The following ADAMTS12 variants were observed in gnomAD, a reference collection of about 807,000 sequenced individuals.
The protein encoded by ADAMTS12 is ADAM metallopeptidase with thrombospondin type 1 motif 12, also known as A disintegrin and metalloproteinase with thrombospondin motifs 12.
ADAMTS12 carries 118 observed loss-of-function variants against 167.8 expected under a neutral mutation model. The observed-to-expected ratio is 0.70, with a 90% CI of 0.61 to 0.82. ADAMTS12 has a LOEUF of 0.82. Among genes scored for constraint, ADAMTS12 ranks in the 40% least tolerant of loss-of-function variants. The probability of loss-of-function intolerance (pLI) is 0.00; values close to 1 mark genes in which losing one functional copy is unlikely to be tolerated. For missense variants in ADAMTS12, 1,916 were observed against 1,998.8 expected (o/e 0.96, Z 0.79); for synonymous variants, 704 against 716.9 (o/e 0.98, Z 0.29).
Position 33,891,989 on chromosome 5 carries a change from C to G in ADAMTS12, c.-133G>C. The G allele has an allele frequency of 8.8e-7, 1 of 1,137,374 alleles. No individual in the cohort carries two copies. The highest frequency in any genetic ancestry group is 1.2e-6 in the Non-Finnish European group (1 of 807,874). 70.5% of individuals were successfully genotyped at this position (1,137,374 alleles called of 1,614,324 possible). On this transcript the variant is annotated 5_prime_UTR_variant, in exon 1 of 24. Transcript: ENST00000504830. ...GCGCGAGAAGGCAGCGACTGCAAAG[C>G]TGCCCGCGATCTCCCTGTGCTTTTT...
chr5:33,543,931 A>G (rs1449875020), intron 22 of ADAMTS12, among the ~76,000 whole-genome samples: 1 of 152,206 alleles, frequency 6.6e-6, no homozygotes, highest in Non-Finnish European at 1.5e-5. Flanking sequence ...AACTGGAAGC[A>G]TTCCCTTTGA....
chr5:33,687,357 T>C (rs1742372117), intron 3 of ADAMTS12, among the ~76,000 whole-genome samples: 1 of 152,242 alleles, frequency 6.6e-6, no homozygotes, highest in South Asian at 2.1e-4. Flanking sequence ...CACCATCTTA[T>C]AGATGAAGGA....
chr5:33,769,354 A>G (rs546572348), intron 2 of ADAMTS12, among the ~76,000 whole-genome samples: 1 of 152,304 alleles, frequency 6.6e-6, no homozygotes, highest in South Asian at 2.1e-4. Flanking sequence ...ATCAAGTACA[A>G]ATGGAGGGAC....
At chr5:33,555,550 C>A (rs1319866161) in intron 20 of ADAMTS12, among the ~76,000 whole-genome samples, 2 of 152,090 alleles carry the variant, frequency 1.3e-5, no homozygotes, top group African/African-American at 4.8e-5. Flanking sequence ...TGCCCAGCCT[C>A]CCCCATACAA....
chr5:33,767,887 G>A (rs1266243690), intron 2 of ADAMTS12, among the ~76,000 whole-genome samples: 1 of 152,136 alleles, frequency 6.6e-6, no homozygotes, highest in Non-Finnish European at 1.5e-5. Context: ...GGAAAATAAA[G>A]GGAAGAAATG....
intron 2 of ADAMTS12, among the ~76,000 whole-genome samples, chr5:33,793,806 C>G (rs1746667400): frequency 6.6e-6 from 1 of 152,080 alleles, no homozygotes; most frequent in Non-Finnish European, 1.5e-5. Context: ...AGGCGAAGGG[C>G]GAGATGGGCT....
At chr5:33,829,100 G>A (rs928596998) in intron 2 of ADAMTS12, among the ~76,000 whole-genome samples, 4 of 152,072 alleles carry the variant, frequency 2.6e-5, no homozygotes, top group Admixed American at 6.6e-5. Context: ...CTTTCATCAC[G>A]TAATTGATAC....
intron 2 of ADAMTS12, among the ~76,000 whole-genome samples, chr5:33,766,717 T>C (rs561337639): frequency 5.3e-4 from 80 of 152,282 alleles, no homozygotes; most frequent in African/African-American, 1.9e-3. Flanking sequence ...CTTTTTTAAT[T>C]AGTATTAAAA....
Position 33,881,378 on chromosome 5 carries a change from C to A in ADAMTS12, c.230G>T (p.Ser77Ile), listed in dbSNP as rs1275046910. 6.2e-7 allele frequency: 1 copy of A among 1,614,214 alleles called. No individual in the cohort carries two copies. The highest frequency in any genetic ancestry group is 1.3e-5 in the African/African-American group (1 of 75,050). The part of the protein sequence containing the change: ...LSYGLHYPIT[S>I]SRRKRDLDGS... ...ATCCAAATCTCTCTTCCTCCTGCTGCTCGTGATGGGATAGTGCAAGCCATA... is the reference window on the plus strand; with the variant it reads ...ATCCAAATCTCTCTTCCTCCTGCTGATCGTGATGGGATAGTGCAAGCCATA... Residue 77 changes from serine (S) to isoleucine (I), a missense_variant, in exon 2 of 24, where the codon AGC becomes ATC. By Grantham distance (142) the Ser-to-Ile change is moderately radical (BLOSUM62 -2). Transcript: ENST00000504830.
intron 15 of ADAMTS12, 139 bp from the exon 16 acceptor site, chr5:33,614,515 A>G: frequency 1.0e-6 from 1 of 982,342 alleles, no homozygotes; most frequent in Non-Finnish European, 1.5e-6. Context: ...AAATAGATCT[A>G]TACCTATGTC....
At chr5:33,848,186 C>T (rs1200467124) in intron 2 of ADAMTS12, among the ~76,000 whole-genome samples, 1 of 151,736 alleles carries the variant, frequency 6.6e-6, no homozygotes, top group African/African-American at 2.4e-5. Flanking sequence ...CACTGCACTC[C>T]AGCCTGGGTA....
At chr5:33,697,022 T>A (rs536107927) in intron 3 of ADAMTS12, among the ~76,000 whole-genome samples, 1 of 152,358 alleles carries the variant, frequency 6.6e-6, no homozygotes, top group East Asian at 1.9e-4. Context: ...AAAAAGCTTT[T>A]TATTACATAC....
Position 33,602,736 on chromosome 5 carries a change from G to A in ADAMTS12, c.2528-6676C>T, listed in dbSNP as rs1358846171. 2.6e-5 allele frequency among the ~76,000 whole-genome samples: 4 copies of A among 152,318 alleles called. No homozygotes were observed. The South Asian group carries it at 8.3e-4, about 32-fold the overall frequency. On this transcript the variant is annotated intron_variant, in intron 16 of 23. Coordinates refer to ENST00000504830, the MANE Select transcript of ADAMTS12 (RefSeq NM_030955.4). ...CAAGGATATGTGGACATTATCTCAA[G>A]CATGGTTACACTGAGCTTCAGTAGG... is the stretch of plus-strand genomic sequence containing the variant.
intron 18 of ADAMTS12, among the ~76,000 whole-genome samples, chr5:33,580,485 T>C (rs1747009443): frequency 6.6e-6 from 1 of 152,116 alleles, no homozygotes; most frequent in Admixed American, 6.5e-5. Flanking sequence ...CACATGGGGA[T>C]TACAATTTGG....
At chr5:33,588,269 G>A (rs943601671) in intron 18 of ADAMTS12, among the ~76,000 whole-genome samples, 1 of 152,082 alleles carries the variant, frequency 6.6e-6, no homozygotes, top group African/African-American at 2.4e-5. Flanking sequence ...GTGTGTGGGA[G>A]GTCCCTTATC....
chr5:33,631,514 T>C (rs1739932085), intron 12 of ADAMTS12, among the ~76,000 whole-genome samples: 1 of 152,188 alleles, frequency 6.6e-6, no homozygotes, highest in African/African-American at 2.4e-5. Context: ...CTTATCATAG[T>C]GATCCATCCC....
At chr5:33,557,013 A>T (rs1254904984) in intron 20 of ADAMTS12, among the ~76,000 whole-genome samples, 1 of 152,160 alleles carries the variant, frequency 6.6e-6, no homozygotes, top group Non-Finnish European at 1.5e-5. Flanking sequence ...AACCTGACAT[A>T]TGTATATGAG....
At position 33,528,969 on chromosome 5, in the gene ADAMTS12, C is replaced by T. The variant is rs112633698; in HGVS notation, c.4607-1603G>A. 2.1e-3 allele frequency among the ~76,000 whole-genome samples: 323 copies of T among 152,212 alleles called. 1 individual carries two copies. Among genetic ancestry groups the T allele is most frequent in the Middle Eastern group, 3.4e-3 (1 of 292 alleles). On this transcript the variant is annotated intron_variant, in intron 23 of 23. Transcript: ENST00000504830. The stretch of plus-strand genomic sequence containing the variant: ...CTGAGGCAGGAGAATCGCTTGAAAC[C>T]GGAAGGTGGAGGTTGCAGTGAGCTG...
chr5:33,815,074 A>T (rs1279487777), intron 2 of ADAMTS12, among the ~76,000 whole-genome samples: 1 of 152,128 alleles, frequency 6.6e-6, no homozygotes, highest in African/African-American at 2.4e-5. Flanking sequence ...TTAAATATGG[A>T]AGAAATAACA....
Sources: gnomAD v4.1 joint callset for allele counts (sites outside exome capture counted in the v4.1 genomes callset) on GRCh38, gnomAD v4.1.1 for gene constraint, MANE v1.5 for transcripts, NCBI Gene and HGNC (gene_info 2026-07-23, HGNC 2026-07-21) for gene names.